Variants in PARP14 observed in about 807,000 individuals in gnomAD.
PARP14 encodes protein mono-ADP-ribosyltransferase PARP14.
In PARP14, 59 loss-of-function variants were observed where a neutral mutation model predicts 154.2. That is an observed-to-expected ratio of 0.38 (90% confidence interval 0.31 to 0.48). PARP14 has a LOEUF of 0.48. PARP14 is among the 20% of genes least tolerant of loss of function. The probability of loss-of-function intolerance (pLI) is 0.98; values close to 1 mark genes in which losing one functional copy is unlikely to be tolerated. For missense variants in PARP14, 1,734 were observed against 2,131.6 expected, an observed-to-expected ratio of 0.81 and a Z score of 3.67; for synonymous variants, 720 against 780.5, an observed-to-expected ratio of 0.92 and a Z score of 1.29.
At chr3:122,682,867 C>T (rs556719157) in intron 1 of PARP14, among the ~76,000 whole-genome samples, 1 of 152,206 alleles carries the variant, frequency 6.6e-6, no homozygotes, top group Admixed American at 6.5e-5. Flanking sequence ...CCTTGAGCAA[C>T]ATGGTGAAAC....
chr3:122,691,950 A>C (rs1938553836), intron 3 of PARP14, among the ~76,000 whole-genome samples: 1 of 152,200 alleles, frequency 6.6e-6, no homozygotes, highest in South Asian at 2.1e-4. Flanking sequence ...ATTTTTTCTT[A>C]TCACTAATAA....
At chr3:122,685,498 T>C (rs367649541) in intron 2 of PARP14, among the ~76,000 whole-genome samples, 180 bp downstream of exon 2, 18 of 147,674 alleles carry the variant, frequency 1.2e-4, no homozygotes, top group African/African-American at 4.5e-4. Flanking sequence ...TGGGATAAAG[T>C]AGGAGGGGGT....
chr3:122,695,182 G>A (rs1054644292), intron 4 of PARP14, among the ~76,000 whole-genome samples: 2 of 152,178 alleles, frequency 1.3e-5, no homozygotes, highest in African/African-American at 4.8e-5. Flanking sequence ...GGTGAGGTCT[G>A]GGGCAGGAAG....
chr3:122,715,248 A>G (rs1429716204), intron 12 of PARP14, among the ~76,000 whole-genome samples: 3 of 152,088 alleles, frequency 2.0e-5, no homozygotes, highest in South Asian at 2.1e-4. Flanking sequence ...CTTGAAGTCA[A>G]CGGAGCTGCC....
intron 12 of PARP14, among the ~76,000 whole-genome samples, chr3:122,715,599 T>TATCTATCTATCTATC (rs1932974610): frequency 3.4e-5 from 1 of 29,576 alleles, no homozygotes; most frequent in Admixed American, 2.8e-4. Flanking sequence ...ACCAGTCATC[T>TATCTATCTATCTATC]ATCTATCTAT....
intron 3 of PARP14, among the ~76,000 whole-genome samples, chr3:122,691,183 T>C (rs1938528995): frequency 6.6e-6 from 1 of 152,248 alleles, no homozygotes; most frequent in Non-Finnish European, 1.5e-5. Context: ...CATGTCATTT[T>C]CCTCATATAC....
At chr3:122,684,395 G>A (rs765098428) in intron 1 of PARP14, among the ~76,000 whole-genome samples, 9 of 151,946 alleles carry the variant, frequency 5.9e-5, no homozygotes, top group African/African-American at 4.8e-5. Flanking sequence ...TTTTATAATC[G>A]TAACTCACAT....
chr3:122,723,255 A>G (rs1334198624), intron 15 of PARP14, among the ~76,000 whole-genome samples: 1 of 151,680 alleles, frequency 6.6e-6, no homozygotes, highest in Non-Finnish European at 1.5e-5. Flanking sequence ...CCATATTCTA[A>G]TTTTTCCAGT....
chr3:122,723,764 G>A (rs955403090), intron 15 of PARP14, among the ~76,000 whole-genome samples: 64 of 152,116 alleles, frequency 4.2e-4, no homozygotes, highest in Non-Finnish European at 1.0e-4. Context: ...ATGATACTTC[G>A]TCAGCATATG....
chr3:122,682,962 G>A (rs148739062), intron 1 of PARP14, among the ~76,000 whole-genome samples: 12,130 of 152,240 alleles, frequency 0.08, 524 homozygotes, highest in South Asian at 0.15. Context: ...GGCTGAGGCA[G>A]GGGAATTGCT....
chr3:122,692,089 A>T (rs1422690663), intron 3 of PARP14, among the ~76,000 whole-genome samples: 1 of 152,250 alleles, frequency 6.6e-6, no homozygotes, highest in Non-Finnish European at 1.5e-5. Context: ...GTCAAAATGA[A>T]AATTTAAAAA....
rs1375509533 is a variant in PARP14 at position 122,700,912 on chromosome 3, C to A, written c.2358C>A (p.Ser786Arg). 1 of 1,613,850 alleles carries A rather than the reference C, an allele frequency of 6.2e-7. No individual in the cohort carries two copies. Among genetic ancestry groups the A allele is most frequent in the Non-Finnish European group, 8.5e-7 (1 of 1,179,852 alleles). Residue 786 changes from serine to arginine, a missense_variant, in exon 6 of 17, where the codon AGC (serine) becomes AGA (arginine). Physicochemically the swap from Ser to Arg is moderately radical, Grantham distance 110 (BLOSUM62 -1). Coordinates refer to ENST00000474629, the MANE Select transcript of PARP14 (RefSeq NM_017554.3). ...QENEVMKEGG[S>R]PAGQKCFSRT... Reference sequence around the variant, plus strand: ...ATGAAGTAATGAAGGAGGGAGGCAGCCCCGCTGGGCAGAAGTGCTTCTCTC... The same window carrying A: ...ATGAAGTAATGAAGGAGGGAGGCAGACCCGCTGGGCAGAAGTGCTTCTCTC...
chr3:122,684,887 T>C (rs891788320), intron 1 of PARP14, among the ~76,000 whole-genome samples: 4 of 152,220 alleles, frequency 2.6e-5, no homozygotes, highest in African/African-American at 4.8e-5. Context: ...TTCAATTTAA[T>C]ACACGTGGCA....
At position 122,685,430 on chromosome 3, in the gene PARP14, C is replaced by T. The variant is rs775067119; in HGVS notation, c.321+112C>T. 1.0e-4 allele frequency: 100 copies of T among 983,380 alleles called. 1 individual carries two copies. Among genetic ancestry groups the T allele is most frequent in the South Asian group, 7.2e-4 (47 of 64,854 alleles). The allele number at this position is 983,380 out of a possible 1,614,324, so 60.9% of individuals were successfully genotyped here. On this transcript the variant is annotated intron_variant, in intron 2 of 16. Transcript: ENST00000474629. Reference sequence around the variant, plus strand: ...AAGAAAAGCATGAAGCAAACTGCAGCGAGAAAAGCAGATTACAAATGTAGG... The same window carrying T: ...AAGAAAAGCATGAAGCAAACTGCAGTGAGAAAAGCAGATTACAAATGTAGG...
chr3:122,699,327 G>T (rs1938874760), intron 5 of PARP14, 63 bp from the exon 6 acceptor site: 1 of 946,806 alleles, frequency 1.1e-6, no homozygotes, highest in Non-Finnish European at 1.5e-6. Context: ...GGAAAATTTT[G>T]TTTTGTTTTT....
At chr3:122,702,569 A>G (rs1381325886) in intron 6 of PARP14, among the ~76,000 whole-genome samples, 1 of 152,152 alleles carries the variant, frequency 6.6e-6, no homozygotes, top group Non-Finnish European at 1.5e-5. Flanking sequence ...GCCATGCGGC[A>G]GATTCTAGGA....
chr3:122,699,925 T>G lies in PARP14; in HGVS notation c.1371T>G (p.Thr457=). ...VQVRELIEST[T]QKIKREEQSL... is the part of the protein sequence containing the mutation. ...TCAGGGAGTTAATAGAAAGCACTAC[T>G]CAAAAAATTAAAAGGGAAGAGCAAA... Residue 457 remains threonine (T), a synonymous_variant, in exon 6 of 17, where the codon ACT becomes ACG. Transcript: ENST00000474629. The G allele has an allele frequency of 6.2e-7, 1 of 1,613,908 alleles. No homozygotes were observed.
At position 122,699,626 on chromosome 3, in the gene PARP14, T is replaced by C. The variant is rs1220558363; in HGVS notation, c.1072T>C (p.Ser358Pro). The change falls in exon 6 of 17, where the codon TCC becomes CCC. Residue 358 changes from serine to proline, a missense_variant. Ser to Pro is a moderately conservative substitution (Grantham distance 74). Around this residue, in one of 2 missense-constraint regions of PARP14, gnomAD observed 1,646 missense variants for 1,976.0 expected, o/e 0.83. Transcript: ENST00000474629. ...MRRCHCELTW[S>P]QLSGKVTIRP... ...GCGTTGTCACTGTGAGCTCACGTGG[T>C]CCCAACTCAGTGGTAAAGTTACCAT... 1 of 1,613,976 alleles carries C rather than the reference T, an allele frequency of 6.2e-7. No individual in the cohort carries two copies. The highest frequency in any genetic ancestry group is 2.2e-5 in the East Asian group (1 of 44,882).
At chr3:122,698,223 T>TA (rs1213874447) in intron 5 of PARP14, among the ~76,000 whole-genome samples, 2 of 152,258 alleles carry the variant, frequency 1.3e-5, no homozygotes, top group African/African-American at 4.8e-5. Context: ...TCATGCTTGA[T>TA]ACCAGCTCTA....
Sources: gnomAD v4.1 joint callset for allele counts (sites outside exome capture counted in the v4.1 genomes callset) on GRCh38, gnomAD v4.1.1 for gene constraint, gnomAD v4.1.1 regional missense constraint, MANE v1.5 for transcripts, NCBI Gene and HGNC (gene_info 2026-07-23, HGNC 2026-07-21) for gene names.